SHANK2: variants seen among roughly 807,000 people sequenced by gnomAD.
SHANK2 encodes SH3 and multiple ankyrin repeat domains protein 2.
SHANK2 carries 43 observed loss-of-function variants against 133.7 expected under a neutral mutation model. The ratio of observed to expected loss-of-function variants is 0.32; its 90% CI spans 0.25 to 0.41. The LOEUF (loss-of-function observed/expected upper bound fraction) is 0.41. Ranked by LOEUF, SHANK2 falls within the 10% of genes least tolerant of loss-of-function variation. The probability of loss-of-function intolerance (pLI) is 1.00; values close to 1 mark genes in which losing one functional copy is unlikely to be tolerated. For synonymous variants in SHANK2, 1,017 were observed against 952.8 expected (o/e 1.07, Z -1.24); for missense variants, 1,994 against 2,235.8 (o/e 0.89, Z 2.18).
intron 17 of SHANK2, among the ~76,000 whole-genome samples, chr11:70,646,841 ATTTATTTATT>A (rs2061270101): frequency 3.5e-5 from 5 of 143,414 alleles, no homozygotes; most frequent in South Asian, 4.3e-4. Context: ...TTATTTATTT[ATTTATTTATT>A]TATTTATTTA....
intron 1 of SHANK2, among the ~76,000 whole-genome samples, chr11:71,228,764 T>C (rs1272568120): frequency 1.3e-5 from 2 of 152,016 alleles, no homozygotes; most frequent in Non-Finnish European, 2.9e-5. Flanking sequence ...ATCTCAAAAA[T>C]TAATTAATAA....
At chr11:70,645,580 C>T (rs1015925680) in intron 17 of SHANK2, among the ~76,000 whole-genome samples, 24 of 152,336 alleles carry the variant, frequency 1.6e-4, no homozygotes, top group Admixed American at 1.6e-3. Flanking sequence ...GCTGACCCCA[C>T]ACGGGTGCTG....
chr11:70,769,045 A>G (rs1555042040), intron 14 of SHANK2, among the ~76,000 whole-genome samples: 1 of 152,128 alleles, frequency 6.6e-6, no homozygotes, highest in African/African-American at 2.4e-5. Context: ...ACGCTAGGCC[A>G]CCACTCTTCC....
At chr11:70,538,415 G>A (rs1033876965) in intron 17 of SHANK2, among the ~76,000 whole-genome samples, 6 of 152,244 alleles carry the variant, frequency 3.9e-5, no homozygotes, top group Admixed American at 1.3e-4. Flanking sequence ...TGGACTGCAC[G>A]CTAGGCCTCT....
At chr11:70,936,212 C>T (rs1950568430) in intron 10 of SHANK2, among the ~76,000 whole-genome samples, 1 of 152,148 alleles carries the variant, frequency 6.6e-6, no homozygotes, top group South Asian at 2.1e-4. Flanking sequence ...TTTCAGATAC[C>T]TTTAAAGCAA....
chr11:71,181,126 G>A (rs1396151186), intron 2 of SHANK2, among the ~76,000 whole-genome samples: 1 of 152,106 alleles, frequency 6.6e-6, no homozygotes, highest in Non-Finnish European at 1.5e-5. Context: ...GGGAGGTCTG[G>A]AGAAGCCGAC....
chr11:70,660,604 C>T (rs1555012997), intron 16 of SHANK2, among the ~76,000 whole-genome samples: 1 of 152,166 alleles, frequency 6.6e-6, no homozygotes, highest in African/African-American at 2.4e-5. Context: ...AGGTGCAACT[C>T]CAGGGCAGGA....
At chr11:71,109,610 T>G (rs1951859743) in intron 6 of SHANK2, among the ~76,000 whole-genome samples, 1 of 152,280 alleles carries the variant, frequency 6.6e-6, no homozygotes, top group African/African-American at 2.4e-5. Flanking sequence ...TTTACAAACA[T>G]ACGTGTCTGT....
intron 10 of SHANK2, among the ~76,000 whole-genome samples, chr11:70,920,689 G>A (rs538526637): frequency 6.6e-6 from 1 of 152,218 alleles, no homozygotes; most frequent in Non-Finnish European, 1.5e-5. Context: ...GCACGCCACT[G>A]CAGGGGAGAA....
chr11:71,130,423 A>G (rs1175800503), intron 3 of SHANK2, among the ~76,000 whole-genome samples: 4 of 152,240 alleles, frequency 2.6e-5, no homozygotes, highest in African/African-American at 4.8e-5. Flanking sequence ...GTTTCCTGTG[A>G]GAGACTAAAT....
chr11:71,105,027 C>T (rs192227841), intron 6 of SHANK2, among the ~76,000 whole-genome samples: 3 of 152,264 alleles, frequency 2.0e-5, no homozygotes, highest in East Asian at 1.9e-4. Context: ...AACCCACACA[C>T]GGGTGTTTAT....
intron 17 of SHANK2, among the ~76,000 whole-genome samples, chr11:70,636,615 G>A (rs1191000639): frequency 6.6e-6 from 1 of 151,978 alleles, no homozygotes; most frequent in African/African-American, 2.4e-5. Flanking sequence ...GTGTGTATGC[G>A]AGCATGTGTG....
intron 14 of SHANK2, among the ~76,000 whole-genome samples, chr11:70,756,279 T>C (rs529173615): frequency 6.6e-6 from 1 of 152,258 alleles, no homozygotes; most frequent in African/African-American, 2.4e-5. Context: ...ATCCTTTACC[T>C]GAAAACGCTC....
At chr11:71,117,297 G>A (rs1471960216) in intron 4 of SHANK2, among the ~76,000 whole-genome samples, 3 of 152,182 alleles carry the variant, frequency 2.0e-5, no homozygotes, top group Non-Finnish European at 2.9e-5. Flanking sequence ...TGGGATTACA[G>A]GCATGAGCCA....
chr11:70,867,392 CAG>C (rs1949382627), intron 11 of SHANK2, among the ~76,000 whole-genome samples: 1 of 152,172 alleles, frequency 6.6e-6, no homozygotes, highest in Non-Finnish European at 1.5e-5. Context: ...AGGATCAGGC[CAG>C]GACTCCACCA....
intron 17 of SHANK2, among the ~76,000 whole-genome samples, chr11:70,590,565 G>T (rs553163850): frequency 3.9e-5 from 6 of 152,118 alleles, no homozygotes; most frequent in African/African-American, 1.4e-4. Context: ...GGCAACCACC[G>T]CTCTCATCAG....
At chr11:70,734,816 G>A (rs527666542) in intron 14 of SHANK2, among the ~76,000 whole-genome samples, 1 of 152,338 alleles carries the variant, frequency 6.6e-6, no homozygotes, top group African/African-American at 2.4e-5. Context: ...GCAACCACCT[G>A]AGCGATGAGG....
chr11:70,908,350 C>G (rs1555078373), intron 10 of SHANK2, among the ~76,000 whole-genome samples: 1 of 152,166 alleles, frequency 6.6e-6, no homozygotes, highest in Non-Finnish European at 1.5e-5. Context: ...ATGCATCCTC[C>G]CATCCCCCAG....
intron 25 of SHANK2, among the ~76,000 whole-genome samples, chr11:70,481,203 A>G (rs1341836637): frequency 6.6e-6 from 1 of 152,222 alleles, no homozygotes; most frequent in East Asian, 1.9e-4. Flanking sequence ...AATATGATGT[A>G]CTTTTTTCTC....
Sources: gnomAD v4.1 joint callset for allele counts (sites outside exome capture counted in the v4.1 genomes callset) on GRCh38, gnomAD v4.1.1 for gene constraint, MANE v1.5 for transcripts, NCBI Gene and HGNC (gene_info 2026-07-23, HGNC 2026-07-21) for gene names.